SORCS2: variants seen among roughly 807,000 people sequenced by gnomAD.
SORCS2 encodes the protein sortilin related VPS10 domain containing receptor 2, also known as VPS10 domain-containing receptor SorCS2.
Under a neutral mutation model 141.6 loss-of-function variants are expected in SORCS2, and 100 were observed. That is an observed-to-expected ratio of 0.71 (90% CI 0.60 to 0.83). The LOEUF (loss-of-function observed/expected upper bound fraction) is 0.83. Among genes scored for constraint, SORCS2 ranks in the 40% least tolerant of loss-of-function variants. SORCS2 has a pLI of 0.00. For missense variants in SORCS2, 1,646 were observed against 1,560.2 expected, an observed-to-expected ratio of 1.05 and a Z score of -0.93; for synonymous variants, 789 against 676.9, an observed-to-expected ratio of 1.17 and a Z score of -2.57.
At chr4:7,594,651 C>T (rs1340258979) in intron 3 of SORCS2, among the ~76,000 whole-genome samples, 1 of 152,130 alleles carries the variant, frequency 6.6e-6, no homozygotes, top group Non-Finnish European at 1.5e-5. Context: ...CCCTAATTTA[C>T]AGTGTCAAGA....
At chr4:7,386,403 A>G (rs1189356048) in intron 1 of SORCS2, among the ~76,000 whole-genome samples, 2 of 119,462 alleles carry the variant, frequency 1.7e-5, no homozygotes, top group Non-Finnish European at 1.7e-5. Context: ...ACATACACAT[A>G]TGTACACACG....
intron 1 of SORCS2, among the ~76,000 whole-genome samples, chr4:7,218,812 G>T (rs1448152261): frequency 1.3e-5 from 2 of 152,218 alleles, no homozygotes; most frequent in African/African-American, 4.8e-5. Flanking sequence ...TGCCACCTTA[G>T]TTCATGTCCG....
chr4:7,466,505 TG>T (rs1729625817), intron 2 of SORCS2, among the ~76,000 whole-genome samples: 2 of 152,152 alleles, frequency 1.3e-5, no homozygotes, highest in African/African-American at 4.8e-5. Context: ...TTCTGGAGAC[TG>T]TGTCATCTCT....
intron 12 of SORCS2, among the ~76,000 whole-genome samples, chr4:7,702,370 G>C (rs1179133563): frequency 6.6e-6 from 1 of 152,254 alleles, no homozygotes; most frequent in Non-Finnish European, 1.5e-5. Flanking sequence ...ATGTTCACTG[G>C]AGATTTGGGG....
chr4:7,434,273 T>C (rs1321248054), intron 2 of SORCS2: 1 of 1,613,224 alleles, frequency 6.2e-7, no homozygotes, highest in Non-Finnish European at 8.5e-7. Flanking sequence ...TCGGCCAAGG[T>C]CAAGTTGGAC....
In SORCS2 at chr4:7,281,969, C is replaced by A. The variant is rs757620033; in HGVS notation, c.480+88843C>A. On this transcript the variant is annotated intron_variant, in intron 1 of 26. Transcript: ENST00000507866. ...CACACGCCAGTGTGTGATGGAAACT[C>A]CACGCACCCACTCCTGAAATTGCTT... Among the ~76,000 whole-genome samples the A allele has an allele frequency of 6.6e-5, 10 of 152,350 alleles. No homozygotes were observed. In the East Asian group the frequency reaches 1.9e-3, roughly 29 times the overall value.
chr4:7,314,123 C>T lies in SORCS2; in HGVS notation c.481-82165C>T, dbSNP rs142351540. Among the ~76,000 whole-genome samples the T allele has an allele frequency of 1.6e-3, 244 of 152,282 alleles. 1 individual carries two copies. Among genetic ancestry groups the T allele is most frequent in the African/African-American group, 5.6e-3 (232 of 41,572 alleles). ...TCTGCTTCTCTTTTTTGCCTGGAGT[C>T]GGGATCCTCCCTGCCTCTGTGCCGT... On this transcript the variant is annotated intron_variant, in intron 1 of 26. Coordinates refer to ENST00000507866, the MANE Select transcript of SORCS2 (RefSeq NM_020777.3).
At position 7,201,556 on chromosome 4, in the gene SORCS2, T is replaced by TTCGATGG. The variant is rs1478819237; in HGVS notation, c.480+8431_480+8437dup. Among the ~76,000 whole-genome samples the TTCGATGG allele has an allele frequency of 1.3e-5, 2 of 152,158 alleles. No individual in the cohort carries two copies. Among genetic ancestry groups the TTCGATGG allele is most frequent in the African/African-American group, 4.8e-5 (2 of 41,430 alleles). ...GTCAGGCTAAGACTTGTGCAGATGA[T>TTCGATGG]TCGATGGAGAGCAGACTGGAGTGAC... On this transcript the variant is annotated intron_variant, in intron 1 of 26. Transcript: ENST00000507866. The surrounding 1 kb of genome is among the most constrained non-coding windows in gnomAD (Gnocchi z 4.4).
intron 2 of SORCS2, among the ~76,000 whole-genome samples, chr4:7,510,670 G>T (rs1290425682): frequency 7.2e-6 from 1 of 139,674 alleles, no homozygotes; most frequent in African/African-American, 3.1e-5. Context: ...CTGGAAATGC[G>T]ACCCCGGGGC....
At chr4:7,221,633 G>A (rs758309499) in intron 1 of SORCS2, among the ~76,000 whole-genome samples, 4 of 152,220 alleles carry the variant, frequency 2.6e-5, no homozygotes, top group Non-Finnish European at 4.4e-5. Flanking sequence ...TGAGGGCACC[G>A]GAGAAACAGC....
chr4:7,294,348 C>T (rs571279998), intron 1 of SORCS2, among the ~76,000 whole-genome samples: 4 of 152,176 alleles, frequency 2.6e-5, no homozygotes, highest in Middle Eastern at 3.4e-3. Flanking sequence ...GTAACCAGGA[C>T]GGGGCTAGGT....
rs548501770 is a variant in SORCS2, at chr4:7,475,486, G to A, written c.549-56044G>A. ...CTCCCTGTGCAGCAGCCACAGGAGT[G>A]TCCCAGCCTGGGAGCAGAGCAAGCA... On this transcript the variant is annotated intron_variant, in intron 2 of 26. Transcript: ENST00000507866. Among the ~76,000 whole-genome samples the A allele has an allele frequency of 4.6e-5, 7 of 152,298 alleles. No homozygotes were observed. The East Asian group carries it at 7.7e-4, about 17-fold the overall frequency.
intron 1 of SORCS2, among the ~76,000 whole-genome samples, chr4:7,281,344 C>T (rs1468868296): frequency 2.0e-5 from 3 of 152,098 alleles, no homozygotes; most frequent in African/African-American, 7.2e-5. Flanking sequence ...AAAACTGTCT[C>T]ATTTCTCCGT....
intron 3 of SORCS2, among the ~76,000 whole-genome samples, chr4:7,571,905 T>C (rs1715425320): frequency 6.6e-6 from 1 of 152,232 alleles, no homozygotes; most frequent in Non-Finnish European, 1.5e-5. Flanking sequence ...GAGCTGACAC[T>C]TAGCTGCTGA....
rs907447761 is a variant in SORCS2, at chr4:7,664,535, G to A, written c.1071+64G>A. ...GTGACGTGGCGGATGACCCGTTCGC[G>A]GCAAAAATGGCATCGCTCAGAAAAG... On this transcript the variant is annotated intron_variant, in intron 7 of 26. Coordinates refer to ENST00000507866, the MANE Select transcript of SORCS2 (RefSeq NM_020777.3). The surrounding 1 kb of genome is among the most constrained non-coding windows in gnomAD (Gnocchi z 4.7). 29 of 1,140,034 alleles carry A rather than the reference G, an allele frequency of 2.5e-5. No homozygotes were observed. The highest frequency in any genetic ancestry group is 1.7e-4 in the Admixed American group (7 of 42,410). The allele number at this position is 1,140,034 out of a possible 1,614,324, so 70.6% of individuals were successfully genotyped here.
chr4:7,404,266 T>C (rs1724822188), intron 2 of SORCS2, among the ~76,000 whole-genome samples: 1 of 152,094 alleles, frequency 6.6e-6, no homozygotes. Context: ...TTGAGTTGAT[T>C]CCACATCTTT....
At chr4:7,676,266 G>C (rs1046676274) in intron 9 of SORCS2, 37 bp downstream of exon 9, 6 of 1,541,506 alleles carry the variant, frequency 3.9e-6, no homozygotes, top group Non-Finnish European at 4.4e-6. Context: ...GTCTGCCGCC[G>C]ACCCCCTGCC....
At chr4:7,495,357 G>A (rs553766812) in intron 2 of SORCS2, among the ~76,000 whole-genome samples, 9 of 152,320 alleles carry the variant, frequency 5.9e-5, no homozygotes, top group African/African-American at 2.2e-4. Context: ...TGAAGGTTCT[G>A]CTTAATCCAT....
intron 2 of SORCS2, among the ~76,000 whole-genome samples, chr4:7,490,810 G>A (rs935426650): frequency 6.6e-6 from 1 of 152,090 alleles, no homozygotes; most frequent in Non-Finnish European, 1.5e-5. Context: ...TCTCCCTCGG[G>A]GTGTCCCCGC....
Sources: allele counts gnomAD v4.1 joint callset (sites outside exome capture counted in the v4.1 genomes callset), GRCh38; gene constraint gnomAD v4.1.1; non-coding constraint Gnocchi (gnomAD v3.1); transcripts MANE v1.5; gene names NCBI Gene and HGNC (gene_info 2026-07-23, HGNC 2026-07-21).